Variants in DNM3 observed in about 807,000 individuals in gnomAD.
DNM3 encodes the protein dynamin 3, also known as dynamin-3.
A neutral mutation model predicts 101.6 loss-of-function variants in DNM3; 47 were observed. The observed-to-expected ratio is 0.46, with a 90% CI of 0.37 to 0.59. The LOEUF (loss-of-function observed/expected upper bound fraction) is 0.59. DNM3 is among the 20% of genes least tolerant of loss of function. The pLI is 0.00. For synonymous variants in DNM3, 385 were observed against 387.9 expected, an observed-to-expected ratio of 0.99 and a Z score of 0.09; for missense variants, 849 against 1,085.7, an observed-to-expected ratio of 0.78 and a Z score of 3.06.
intron 1 of DNM3, among the ~76,000 whole-genome samples, chr1:171,888,922 C>T (rs546210216): frequency 6.2e-4 from 94 of 152,214 alleles, no homozygotes; most frequent in Middle Eastern, 3.4e-3. Context: ...GATTGTGACT[C>T]ATGAGGATGG....
intron 14 of DNM3, among the ~76,000 whole-genome samples, chr1:172,232,140 A>G (rs1198598556): frequency 6.6e-6 from 1 of 152,170 alleles, no homozygotes; most frequent in Non-Finnish European, 1.5e-5. Flanking sequence ...GTATCAGGAA[A>G]CCCATCTCAC....
chr1:171,955,216 T>A lies in DNM3; in HGVS notation c.236-32440T>A, dbSNP rs116477848. On this transcript the variant is annotated intron_variant, in intron 2 of 20. Coordinates refer to ENST00000627582, the MANE Select transcript of DNM3 (RefSeq NM_015569.5). ...AAGTTTACTGCTTGCATGGCTGCAT[T>A]GGCTAAATGAACTGCTTAATGGTAG... Among the ~76,000 whole-genome samples the A allele has an allele frequency of 6.5e-3, 986 of 152,308 alleles. 16 individuals are homozygous for A. Among genetic ancestry groups the A allele is most frequent in the African/African-American group, 0.022 (895 of 41,576 alleles).
chr1:172,123,109 C>G (rs1288144643), intron 13 of DNM3, among the ~76,000 whole-genome samples: 1 of 152,060 alleles, frequency 6.6e-6, no homozygotes, highest in Admixed American at 6.5e-5. Flanking sequence ...AAGGTTAAAA[C>G]CAGGAAGTAA....
chr1:171,876,287 A>G (rs529814910), intron 1 of DNM3, among the ~76,000 whole-genome samples: 4 of 152,308 alleles, frequency 2.6e-5, no homozygotes, highest in African/African-American at 7.2e-5. Context: ...GATTTATTAT[A>G]CTACTAGGCC....
At chr1:171,868,323 T>C (rs565475613) in intron 1 of DNM3, among the ~76,000 whole-genome samples, 1 of 151,944 alleles carries the variant, frequency 6.6e-6, no homozygotes, top group East Asian at 1.9e-4. Flanking sequence ...AGAGGTGTCC[T>C]GCACACAGCT....
At chr1:172,270,087 C>T (rs149163729) in intron 15 of DNM3, among the ~76,000 whole-genome samples, 1 of 151,882 alleles carries the variant, frequency 6.6e-6, no homozygotes, top group African/African-American at 2.4e-5. Flanking sequence ...GTAGAATAAA[C>T]ATAAAAAGTC....
intron 17 of DNM3, among the ~76,000 whole-genome samples, chr1:172,361,903 C>A (rs2067761263): frequency 6.6e-6 from 1 of 151,964 alleles, no homozygotes; most frequent in Admixed American, 6.6e-5. Context: ...TGGACCATTG[C>A]AAATACCCAA....
At chr1:172,048,813 T>C (rs1224190427) in intron 10 of DNM3, 63 bp downstream of exon 10, 5 of 1,554,518 alleles carry the variant, frequency 3.2e-6, no homozygotes, top group Non-Finnish European at 4.4e-6. Context: ...CCCTATCTCA[T>C]TGCATGATTC....
chr1:172,293,811 G>A (rs1424994250), intron 15 of DNM3, among the ~76,000 whole-genome samples: 1 of 151,914 alleles, frequency 6.6e-6, no homozygotes, highest in Non-Finnish European at 1.5e-5. Context: ...TATCCTTTAA[G>A]AGGAAAAAAA....
chr1:172,051,583 C>T (rs966822732), intron 10 of DNM3, among the ~76,000 whole-genome samples: 8 of 152,138 alleles, frequency 5.3e-5, no homozygotes, highest in African/African-American at 1.9e-4. Context: ...ATGCTGATCA[C>T]CCCCTTCATC....
chr1:172,352,717 T>C (rs2067252607), intron 17 of DNM3, among the ~76,000 whole-genome samples: 1 of 152,144 alleles, frequency 6.6e-6, no homozygotes, highest in Non-Finnish European at 1.5e-5. Flanking sequence ...CCTTTGGTGA[T>C]TCTGGTGCAC....
intron 17 of DNM3, among the ~76,000 whole-genome samples, chr1:172,348,982 G>A (rs1188258009): frequency 6.6e-6 from 1 of 152,130 alleles, no homozygotes; most frequent in Non-Finnish European, 1.5e-5. Flanking sequence ...AACGAATAAT[G>A]TAATTTATAT....
chr1:172,203,469 T>A (rs1431206380), intron 14 of DNM3, among the ~76,000 whole-genome samples: 1 of 152,166 alleles, frequency 6.6e-6, no homozygotes. Context: ...CAACAGCAAG[T>A]TGTTTATATG....
intron 6 of DNM3, among the ~76,000 whole-genome samples, chr1:172,035,478 C>A (rs1301605757): frequency 1.3e-5 from 2 of 152,024 alleles, no homozygotes; most frequent in East Asian, 1.9e-4. Context: ...AATAATTACT[C>A]TTCTGGCAAA....
chr1:172,200,945 A>C (rs902615040), intron 14 of DNM3, among the ~76,000 whole-genome samples: 2 of 152,070 alleles, frequency 1.3e-5, no homozygotes, highest in African/African-American at 4.8e-5. Flanking sequence ...CACTCTGGCC[A>C]TTTTAGTTAC....
At chr1:172,042,288 G>A in intron 8 of DNM3, 144 bp downstream of exon 8, 2 of 765,464 alleles carry the variant, frequency 2.6e-6, no homozygotes, top group South Asian at 6.4e-5. Context: ...TGAAATTCAG[G>A]AGAGGAATAT....
At chr1:171,935,523 C>T (rs1056864261) in intron 2 of DNM3, among the ~76,000 whole-genome samples, 1 of 152,086 alleles carries the variant, frequency 6.6e-6, no homozygotes, top group Admixed American at 6.6e-5. Context: ...TTGATGAGGT[C>T]TTGGGTGATG....
At chr1:171,926,566 G>T (rs1324271694) in intron 2 of DNM3, among the ~76,000 whole-genome samples, 1 of 152,004 alleles carries the variant, frequency 6.6e-6, no homozygotes, top group African/African-American at 2.4e-5. Flanking sequence ...AGTTCTTTTC[G>T]ACTGATATTT....
At chr1:172,123,882 T>A (rs2056465845) in intron 13 of DNM3, among the ~76,000 whole-genome samples, 1 of 152,120 alleles carries the variant, frequency 6.6e-6, no homozygotes, top group East Asian at 1.9e-4. Flanking sequence ...AAGTCAAAGC[T>A]CTATCAGTTC....
Sources: allele counts gnomAD v4.1 joint callset (sites outside exome capture counted in the v4.1 genomes callset), GRCh38; gene constraint gnomAD v4.1.1; transcripts MANE v1.5; gene names NCBI Gene and HGNC (gene_info 2026-07-23, HGNC 2026-07-21).